Variants in PHF21A observed in about 807,000 individuals in gnomAD.
The protein encoded by PHF21A is PHD finger protein 21A.
PHF21A carries 11 observed loss-of-function variants against 82.5 expected under a neutral mutation model. That is an observed-to-expected ratio of 0.13 (90% CI 0.08 to 0.22). PHF21A has a LOEUF of 0.22. Ranked by LOEUF, PHF21A falls within the 10% of genes least tolerant of loss-of-function variation. PHF21A has a pLI of 1.00. For synonymous variants in PHF21A, 297 were observed against 302.8 expected (o/e 0.98, Z 0.20); for missense variants, 579 against 837.8 (o/e 0.69, Z 3.81).
At chr11:45,951,801 G>A (rs1158421664) in intron 11 of PHF21A, among the ~76,000 whole-genome samples, 1 of 131,186 alleles carries the variant, frequency 7.6e-6, no homozygotes, top group Non-Finnish European at 1.6e-5. Flanking sequence ...CTCTCTTGTG[G>A]AATAAATTTT....
At chr11:46,000,358 A>ATC (rs951383726) in intron 6 of PHF21A, among the ~76,000 whole-genome samples, 15 of 152,206 alleles carry the variant, frequency 9.9e-5, no homozygotes, top group Admixed American at 8.5e-4. Context: ...GAGTTGCAGG[A>ATC]TCTCTCTCAT....
rs1285564987 is a variant in PHF21A, at chr11:45,930,057, C to T, written c.*3911G>A. ...TCTCATTACCCTAAGAGCCTTTTGCCCCTGGGTAAAAAGTCTCCTAAATTC... is the reference window on the plus strand; with the variant it reads ...TCTCATTACCCTAAGAGCCTTTTGCTCCTGGGTAAAAAGTCTCCTAAATTC... On this transcript the variant is annotated 3_prime_UTR_variant, in exon 19 of 19. Coordinates refer to ENST00000676320, the MANE Select transcript of PHF21A (RefSeq NM_001352027.3). 1 of 152,218 alleles carries T rather than the reference C, an allele frequency of 6.6e-6. No individual in the cohort carries two copies. The highest frequency in any genetic ancestry group is 1.5e-5 in the Non-Finnish European group (1 of 68,062). 9.4% of individuals were successfully genotyped at this position (152,218 alleles called of 1,614,324 possible).
intron 10 of PHF21A, among the ~76,000 whole-genome samples, chr11:45,957,105 T>C (rs774192443): frequency 3.3e-4 from 50 of 152,172 alleles, no homozygotes; most frequent in Non-Finnish European, 6.5e-4. Flanking sequence ...TAATCATATA[T>C]GTACCAGACA....
intron 10 of PHF21A, among the ~76,000 whole-genome samples, chr11:45,963,886 T>A (rs920294465): frequency 6.6e-6 from 1 of 152,022 alleles, no homozygotes; most frequent in Non-Finnish European, 1.5e-5. Context: ...AAATTTTCTG[T>A]GTTAAAATAT....
At chr11:46,046,159 C>T (rs530414073) in intron 6 of PHF21A, among the ~76,000 whole-genome samples, 1 of 152,250 alleles carries the variant, frequency 6.6e-6, no homozygotes, top group African/African-American at 2.4e-5. Context: ...TCAAGAGTGT[C>T]CCTGAGCTTA....
intron 10 of PHF21A, among the ~76,000 whole-genome samples, chr11:45,957,272 T>G (rs2092706151): frequency 6.6e-6 from 1 of 152,124 alleles, no homozygotes; most frequent in African/African-American, 2.4e-5. Context: ...AACAACACTA[T>G]ACACCAATTA....
intron 6 of PHF21A, among the ~76,000 whole-genome samples, chr11:46,022,180 T>TG (rs1263201731): frequency 6.6e-6 from 1 of 152,178 alleles, no homozygotes; most frequent in East Asian, 1.9e-4. Flanking sequence ...GAGCTGGTTG[T>TG]GGTGGCTCAT....
chr11:46,096,665 A>G (rs940266312), intron 1 of PHF21A, among the ~76,000 whole-genome samples: 2 of 151,810 alleles, frequency 1.3e-5, no homozygotes, highest in Non-Finnish European at 2.9e-5. Flanking sequence ...CTTGCCTCCA[A>G]CACCTTAAAA....
At chr11:45,976,136 T>TA (rs1402314171) in intron 7 of PHF21A, among the ~76,000 whole-genome samples, 2 of 152,152 alleles carry the variant, frequency 1.3e-5, no homozygotes, top group Non-Finnish European at 2.9e-5. Flanking sequence ...CCAGCCTACT[T>TA]ACGATTCCCA....
intron 18 of PHF21A, chr11:45,935,207 C>T (rs746604197): frequency 7.0e-6 from 9 of 1,291,496 alleles, no homozygotes; most frequent in South Asian, 2.5e-5. Flanking sequence ...GAAGAAAGAG[C>T]GAGGGAGGGC....
intron 6 of PHF21A, among the ~76,000 whole-genome samples, chr11:46,030,820 CGTGTGTGTGCGTGT>C (rs1190211083): frequency 8.0e-5 from 6 of 75,286 alleles, no homozygotes; most frequent in Admixed American, 7.1e-4. Flanking sequence ...TGTGTGTGTG[CGTGTGTGTGCGTGT>C]GTGTGTGTGT....
At chr11:45,974,695 C>T (rs1015162947) in intron 7 of PHF21A, among the ~76,000 whole-genome samples, 5 of 151,990 alleles carry the variant, frequency 3.3e-5, no homozygotes, top group African/African-American at 1.2e-4. Context: ...TCACGTAATC[C>T]TCCCACATCG....
chr11:46,054,839 T>C (rs1376076999), intron 6 of PHF21A, among the ~76,000 whole-genome samples: 2 of 152,208 alleles, frequency 1.3e-5, no homozygotes, highest in African/African-American at 4.8e-5. Flanking sequence ...CCTTTTCAGC[T>C]CTACACCTTG....
chr11:46,009,518 T>C (rs775052708), intron 6 of PHF21A, among the ~76,000 whole-genome samples: 22 of 152,232 alleles, frequency 1.4e-4, no homozygotes, highest in Non-Finnish European at 2.5e-4. Context: ...ACATTTATTA[T>C]AGTACTTACT....
chr11:46,033,261 TGTTA>T (rs1468324843), intron 6 of PHF21A, among the ~76,000 whole-genome samples: 1 of 152,152 alleles, frequency 6.6e-6, no homozygotes, highest in Non-Finnish European at 1.5e-5. Flanking sequence ...TTTCTGTTGT[TGTTA>T]GTATTATTGT....
At chr11:45,934,468 G>A (rs760451046) in intron 18 of PHF21A, 8 of 510,818 alleles carry the variant, frequency 1.6e-5, no homozygotes, top group Non-Finnish European at 2.4e-5. Context: ...GAAAGAGCAT[G>A]CGGGCACCAA....
At chr11:46,079,544 C>T (rs1001217604) in intron 4 of PHF21A, among the ~76,000 whole-genome samples, 3 of 152,148 alleles carry the variant, frequency 2.0e-5, no homozygotes, top group Admixed American at 1.3e-4. Flanking sequence ...CACACAAAAC[C>T]GGCCTGTTCA....
intron 6 of PHF21A, 124 bp from the exon 7 acceptor site, chr11:45,980,090 C>T (rs1411586959): frequency 1.4e-6 from 2 of 1,387,400 alleles, no homozygotes; most frequent in Non-Finnish European, 2.0e-6. Context: ...TCTAAATTTA[C>T]ACAGGTTCTA....
At chr11:45,983,821 C>T (rs985108159) in intron 6 of PHF21A, among the ~76,000 whole-genome samples, 10 of 152,208 alleles carry the variant, frequency 6.6e-5, no homozygotes, top group African/African-American at 2.2e-4. Context: ...CAAGAGAATA[C>T]GGCGAAAATA....
Sources: gnomAD v4.1 joint callset for allele counts (sites outside exome capture counted in the v4.1 genomes callset) on GRCh38, gnomAD v4.1.1 for gene constraint, MANE v1.5 for transcripts, NCBI Gene and HGNC (gene_info 2026-07-23, HGNC 2026-07-21) for gene names.